Variants in GBE1 observed in about 807,000 individuals in gnomAD.
The protein encoded by GBE1 is 1,4-alpha-glucan branching enzyme 1, also known as 1,4-alpha-glucan-branching enzyme.
Under a neutral mutation model 88.8 loss-of-function variants are expected in GBE1, and 70 were observed. That is an observed-to-expected ratio of 0.79 (90% CI 0.65 to 0.96). The LOEUF (loss-of-function observed/expected upper bound fraction) is 0.96, where lower values mean the gene tolerates loss of function less well. GBE1 is among the 40% of genes least tolerant of loss of function. The probability of loss-of-function intolerance (pLI) is 0.00; values close to 1 mark genes in which losing one functional copy is unlikely to be tolerated. For missense variants in GBE1, 872 were observed against 871.0 expected (o/e 1.00, Z -0.01); for synonymous variants, 284 against 300.1 (o/e 0.95, Z 0.56).
At chr3:81,674,394 A>G (rs1350183452) in intron 2 of GBE1, among the ~76,000 whole-genome samples, 3 of 151,990 alleles carry the variant, frequency 2.0e-5, no homozygotes, top group African/African-American at 7.2e-5. Flanking sequence ...CTGTGCTTAT[A>G]AACTTAACAT....
chr3:81,691,898 TTC>T (rs1335697971), intron 2 of GBE1, among the ~76,000 whole-genome samples: 1 of 152,148 alleles, frequency 6.6e-6, no homozygotes, highest in African/African-American at 2.4e-5. Context: ...AAAACCCCAC[TTC>T]TGACTTAGTA....
At chr3:81,664,069 T>G (rs768285301) in intron 3 of GBE1, among the ~76,000 whole-genome samples, 2 of 152,152 alleles carry the variant, frequency 1.3e-5, no homozygotes, top group Non-Finnish European at 2.9e-5. Flanking sequence ...ATTTTAAAAT[T>G]TATTTTTTAT....
At chr3:81,670,244 C>A (rs1705170944) in intron 3 of GBE1, among the ~76,000 whole-genome samples, 1 of 152,206 alleles carries the variant, frequency 6.6e-6, no homozygotes, top group African/African-American at 2.4e-5. Flanking sequence ...TGCAAAACCA[C>A]ATGGTCAACG....
At chr3:81,680,204 C>T (rs2107128728) in intron 2 of GBE1, among the ~76,000 whole-genome samples, 1 of 152,214 alleles carries the variant, frequency 6.6e-6, no homozygotes, top group Non-Finnish European at 1.5e-5. Context: ...AAATGTTACC[C>T]AATTTTCGGC....
chr3:81,631,634 G>C (rs1704512030), intron 7 of GBE1, among the ~76,000 whole-genome samples: 1 of 150,392 alleles, frequency 6.6e-6, no homozygotes, highest in African/African-American at 2.4e-5. Flanking sequence ...GTAGTCCCAG[G>C]TACTCAGAAG....
chr3:81,636,817 G>A lies in GBE1; in HGVS notation c.992+5964C>T, dbSNP rs182813051. On this transcript the variant is annotated intron_variant, in intron 7 of 15. Coordinates refer to ENST00000429644, the MANE Select transcript of GBE1 (RefSeq NM_000158.4). ...AATGCCGGGATTACAGGTGTGAGCC[G>A]CCATGTCCAGCCATCATTTGTTTTT... Among the ~76,000 whole-genome samples, 14 of 152,080 alleles carry A rather than the reference G, an allele frequency of 9.2e-5. 1 individual carries two copies. Among genetic ancestry groups the A allele is most frequent in the South Asian group, 4.2e-4 (2 of 4,806 alleles).
intron 15 of GBE1, among the ~76,000 whole-genome samples, chr3:81,493,756 G>A (rs762026786): frequency 2.0e-5 from 3 of 151,494 alleles, no homozygotes; most frequent in South Asian, 4.2e-4. Flanking sequence ...GGCTGGTCTC[G>A]AACTCCCGAC....
chr3:81,643,101 C>T, intron 6 of GBE1, 111 bp from the exon 7 acceptor site: 2 of 715,086 alleles, frequency 2.8e-6, no homozygotes, highest in South Asian at 1.7e-5. Flanking sequence ...AATATCCAAA[C>T]AGCATGTGAC....
At chr3:81,654,905 T>C (rs575983866) in intron 3 of GBE1, 79 of 152,272 alleles carry the variant, frequency 5.2e-4, no homozygotes, top group African/African-American at 1.8e-3. Flanking sequence ...ACAACATGTA[T>C]ATTTTTTGTT....
In GBE1 at chr3:81,490,370, A is replaced by G. The variant is rs773619397; in HGVS notation, c.*37T>C. 2 of 1,564,812 alleles carry G rather than the reference A, an allele frequency of 1.3e-6. No individual in the cohort carries two copies. Among genetic ancestry groups the G allele is most frequent in the Non-Finnish European group, 1.8e-6 (2 of 1,135,400 alleles). Reference sequence around the variant, plus strand: ...GACAGTGATAACAAGAAAACAAAACACAAATCTGCATCTGGTGGAGCTGAA... The same window carrying G: ...GACAGTGATAACAAGAAAACAAAACGCAAATCTGCATCTGGTGGAGCTGAA... On this transcript the variant is annotated 3_prime_UTR_variant, in exon 16 of 16. Transcript: ENST00000429644.
At chr3:81,717,062 T>C (rs1268652971) in intron 1 of GBE1, among the ~76,000 whole-genome samples, 1 of 152,234 alleles carries the variant, frequency 6.6e-6, no homozygotes, top group Admixed American at 6.5e-5. Flanking sequence ...GTCACGCTCC[T>C]GTTCAGGTCT....
rs796897811 is a variant in GBE1, at chr3:81,657,134, CA to C, written c.430-7214del. 9.3e-3 allele frequency among the ~76,000 whole-genome samples: 762 copies of C among 81,848 alleles called. 10 individuals are homozygous for C. Among genetic ancestry groups the C allele is most frequent in the Middle Eastern group, 0.031 (4 of 128 alleles). 53.7% of individuals were successfully genotyped at this position (81,848 alleles called of 152,430 possible). On this transcript the variant is annotated intron_variant, in intron 3 of 15. Coordinates refer to ENST00000429644, the MANE Select transcript of GBE1 (RefSeq NM_000158.4). ...CCACGCCACTGCACTCCAGCCGTCT[CA>C]AAAAAAAAAAAAACAAAACAAAAAA...
chr3:81,758,716 A>T (rs979706628), intron 1 of GBE1, among the ~76,000 whole-genome samples: 1 of 152,240 alleles, frequency 6.6e-6, no homozygotes, highest in African/African-American at 2.4e-5. Flanking sequence ...ATGAGACAAC[A>T]TGGAGGTGGT....
chr3:81,586,300 G>T (rs1703802906), intron 9 of GBE1, 110 bp from the exon 10 acceptor site: 4 of 677,226 alleles, frequency 5.9e-6, no homozygotes, highest in Non-Finnish European at 1.0e-5. Flanking sequence ...TTTTTGGGCT[G>T]CTTTGGTAAC....
intron 3 of GBE1, among the ~76,000 whole-genome samples, chr3:81,653,615 T>C (rs911591332): frequency 6.6e-6 from 1 of 152,228 alleles, no homozygotes; most frequent in Non-Finnish European, 1.5e-5. Flanking sequence ...TCAGTCTTGG[T>C]GCTACTTCTA....
At chr3:81,646,304 C>A in intron 6 of GBE1, 88 bp downstream of exon 6, 9 of 852,372 alleles carry the variant, frequency 1.1e-5, no homozygotes, top group Middle Eastern at 4.4e-4. Flanking sequence ...AAAGGTTACA[C>A]GATGTTATAA....
At chr3:81,595,076 G>A (rs1017766556) in intron 7 of GBE1, among the ~76,000 whole-genome samples, 2 of 150,118 alleles carry the variant, frequency 1.3e-5, no homozygotes, top group African/African-American at 4.9e-5. Flanking sequence ...AGTGTTGTTA[G>A]TAATTAACTG....
chr3:81,511,733 G>T (rs1156549276), intron 14 of GBE1, among the ~76,000 whole-genome samples: 1 of 151,966 alleles, frequency 6.6e-6, no homozygotes, highest in Non-Finnish European at 1.5e-5. Context: ...TATACTGTTG[G>T]TGGGAAGTAA....
chr3:81,575,364 T>C (rs1703634110), intron 12 of GBE1, among the ~76,000 whole-genome samples: 1 of 151,534 alleles, frequency 6.6e-6, no homozygotes, highest in Admixed American at 6.6e-5. Context: ...ATAACCAGAG[T>C]GAAAGAATTT....
Sources: gnomAD v4.1 joint callset for allele counts (sites outside exome capture counted in the v4.1 genomes callset) on GRCh38, gnomAD v4.1.1 for gene constraint, MANE v1.5 for transcripts, NCBI Gene and HGNC (gene_info 2026-07-23, HGNC 2026-07-21) for gene names.